The following BMP2K variants were observed in gnomAD, a reference collection of about 807,000 sequenced individuals.
BMP2K encodes the protein BMP-2-inducible protein kinase.
A neutral mutation model predicts 116.0 loss-of-function variants in BMP2K; 74 were observed. That is an observed-to-expected ratio of 0.64 (90% confidence interval 0.53 to 0.77). The LOEUF (loss-of-function observed/expected upper bound fraction) is 0.77. Ranked by LOEUF, BMP2K falls within the 30% of genes least tolerant of loss-of-function variation. The pLI is 0.00. For synonymous variants in BMP2K, 486 were observed against 502.5 expected (o/e 0.97, Z 0.44); for missense variants, 1,365 against 1,403.6 (o/e 0.97, Z 0.44).
intron 14 of BMP2K, chr4:78,879,639 G>GTGTGTGTGTGCACGCGCA (rs1732803561): frequency 6.3e-6 from 1 of 158,632 alleles, no homozygotes; most frequent in Non-Finnish European, 1.4e-5. Context: ...GTGTGTGTGT[G>GTGTGTGTGTGCACGCGCA]TGTGTGTGCA....
chr4:78,853,694 C>T (rs866696571), intron 7 of BMP2K, among the ~76,000 whole-genome samples: 7 of 152,106 alleles, frequency 4.6e-5, no homozygotes, highest in Admixed American at 2.6e-4. Context: ...TGCTCTGTCC[C>T]TGTTTGGTAT....
At position 78,914,992 on chromosome 4, in the gene BMP2K, T is replaced by G. The variant is rs1306752922; in HGVS notation, c.*2959T>G. On this transcript the variant is annotated 3_prime_UTR_variant, in exon 16 of 16. Coordinates refer to ENST00000502613, the MANE Select transcript of BMP2K (RefSeq NM_198892.2). ...AAATGTTAGTATTAAAAAGATCAGCTTTTTATGGCATTGAAGAATGTATCT... is the reference window on the plus strand; with the variant it reads ...AAATGTTAGTATTAAAAAGATCAGCGTTTTATGGCATTGAAGAATGTATCT... 5 of 152,022 alleles carry G rather than the reference T, an allele frequency of 3.3e-5. No individual in the cohort carries two copies. Among genetic ancestry groups the G allele is most frequent in the African/African-American group, 4.8e-5 (2 of 41,408 alleles). The allele number at this position is 152,022 out of a possible 1,614,324, so 9.4% of individuals were successfully genotyped here.
chr4:78,825,932 G>A (rs1577902513), intron 1 of BMP2K, 105 bp from the exon 2 acceptor site: 7 of 866,010 alleles, frequency 8.1e-6, no homozygotes, highest in South Asian at 1.7e-5. Context: ...TTTGTCTTGG[G>A]TACAATCATT....
At chr4:78,838,299 C>T (rs1238499941) in intron 3 of BMP2K, among the ~76,000 whole-genome samples, 1 of 152,228 alleles carries the variant, frequency 6.6e-6, no homozygotes, top group Non-Finnish European at 1.5e-5. Context: ...TGTGGGATTT[C>T]GCGATGAGCT....
chr4:78,854,139 G>A (rs372779892), intron 7 of BMP2K, among the ~76,000 whole-genome samples: 1 of 147,098 alleles, frequency 6.8e-6, no homozygotes, highest in Non-Finnish European at 1.5e-5. Flanking sequence ...GTGCAGTAAG[G>A]TAATGATGAA....
chr4:78,805,927 C>T (rs1728796475), intron 1 of BMP2K, among the ~76,000 whole-genome samples: 2 of 152,210 alleles, frequency 1.3e-5, no homozygotes, highest in South Asian at 4.2e-4. Flanking sequence ...GCCAAGATTG[C>T]ACCACCGCAC....
chr4:78,891,533 T>C (rs991311851), intron 15 of BMP2K, among the ~76,000 whole-genome samples: 2 of 152,226 alleles, frequency 1.3e-5, no homozygotes, highest in African/African-American at 2.4e-5. Flanking sequence ...GGATTGAACC[T>C]CTAATTTAAA....
At chr4:78,862,268 C>T (rs1053150550) in intron 9 of BMP2K, among the ~76,000 whole-genome samples, 4 of 151,914 alleles carry the variant, frequency 2.6e-5, no homozygotes. Context: ...CCAAGGAGTT[C>T]ACGTTCTAAT....
In BMP2K at chr4:78,847,202, C is replaced by A; in HGVS notation, c.683C>A (p.Ser228Ter). Residue 228 changes from serine to a stop codon, truncating the protein, a stop_gained, in exon 6 of 16, where the codon TCA becomes TAA. Transcript: ENST00000502613. LOFTEE classifies it high-confidence loss of function. Reference sequence around the variant, plus strand: ...TTTACTGCCAGGTATACAACTCTGTCATACAGAGCCCCTGAAATGATCAAC... The same window carrying A: ...TTTACTGCCAGGTATACAACTCTGTAATACAGAGCCCCTGAAATGATCAAC... ...EEEIKKYTTL[S>*]YRAPEMINLY... 2 of 1,572,524 alleles carry A rather than the reference C, an allele frequency of 1.3e-6. No individual in the cohort carries two copies. Among genetic ancestry groups the A allele is most frequent in the South Asian group, 1.2e-5 (1 of 85,162 alleles).
chr4:78,907,089 C>T (rs1197734146), intron 15 of BMP2K, among the ~76,000 whole-genome samples: 1 of 151,948 alleles, frequency 6.6e-6, no homozygotes, highest in Non-Finnish European at 1.5e-5. Flanking sequence ...CTAGAAACAA[C>T]CTAAATATTC....
intron 1 of BMP2K, among the ~76,000 whole-genome samples, chr4:78,795,156 C>T (rs546280661): frequency 3.3e-5 from 5 of 152,316 alleles, no homozygotes; most frequent in African/African-American, 1.2e-4. Context: ...GTTATATTTG[C>T]TCACATTTAT....
chr4:78,903,885 T>C (rs1408435572), intron 15 of BMP2K, among the ~76,000 whole-genome samples: 1 of 151,970 alleles, frequency 6.6e-6, no homozygotes, highest in South Asian at 2.1e-4. Context: ...AATATTCTAC[T>C]GGTAGTTTAA....
intron 1 of BMP2K, among the ~76,000 whole-genome samples, chr4:78,807,579 T>A (rs1305857440): frequency 6.6e-6 from 1 of 152,010 alleles, no homozygotes; most frequent in Non-Finnish European, 1.5e-5. Flanking sequence ...TCTTTTTTTT[T>A]ATTACTAACT....
chr4:78,897,461 G>A (rs547516032), intron 15 of BMP2K, among the ~76,000 whole-genome samples: 1 of 152,116 alleles, frequency 6.6e-6, no homozygotes, highest in African/African-American at 2.4e-5. Context: ...AATTTATAAT[G>A]AAAAATTAAC....
At chr4:78,792,431 A>G (rs1321678681) in intron 1 of BMP2K, among the ~76,000 whole-genome samples, 1 of 152,226 alleles carries the variant, frequency 6.6e-6, no homozygotes, top group Non-Finnish European at 1.5e-5. Context: ...TTTACTGGAA[A>G]CAGTGACAAA....
chr4:78,885,128 A>G lies in BMP2K; in HGVS notation c.1952-2046A>G, dbSNP rs560332913. Among the ~76,000 whole-genome samples the G allele has an allele frequency of 1.6e-4, 24 of 152,358 alleles. 1 individual carries two copies. The South Asian group carries it at 4.3e-3, about 28-fold the overall frequency. On this transcript the variant is annotated intron_variant, in intron 14 of 15. Coordinates refer to ENST00000502613, the MANE Select transcript of BMP2K (RefSeq NM_198892.2). The stretch of plus-strand genomic sequence containing the variant: ...CATAAAACAATTGTCAGATGTATTT[A>G]GTAACTCAATATTAGTGCCTCAACA...
At chr4:78,907,482 AC>A (rs975845716) in intron 15 of BMP2K, among the ~76,000 whole-genome samples, 28 of 152,322 alleles carry the variant, frequency 1.8e-4, no homozygotes, top group Non-Finnish European at 2.4e-4. Flanking sequence ...GTTCCAGAAG[AC>A]CTTCAGGAAC....
rs202004867 is a variant in BMP2K, at chr4:78,867,826, G to A, written c.1231+2106G>A. Among the ~76,000 whole-genome samples, 31 of 152,278 alleles carry A rather than the reference G, an allele frequency of 2.0e-4. No homozygotes were observed. In the East Asian group the frequency reaches 3.1e-3, roughly 15 times the overall value. ...TGTAATCCCAACACTTTGAGAGGCC[G>A]AGTTGGGTGGATCACTTGAGGCCAG... is the stretch of plus-strand genomic sequence containing the variant. On this transcript the variant is annotated intron_variant, in intron 10 of 15. Coordinates refer to ENST00000502613, the MANE Select transcript of BMP2K (RefSeq NM_198892.2).
At chr4:78,838,789 A>G (rs560051109) in intron 3 of BMP2K, among the ~76,000 whole-genome samples, 29 of 152,324 alleles carry the variant, frequency 1.9e-4, no homozygotes, top group South Asian at 8.3e-4. Context: ...TAGGTATTCA[A>G]TGTTTACCAT....
Sources: gnomAD v4.1 joint callset for allele counts (sites outside exome capture counted in the v4.1 genomes callset) on GRCh38, gnomAD v4.1.1 for gene constraint, MANE v1.5 for transcripts, NCBI Gene and HGNC (gene_info 2026-07-23, HGNC 2026-07-21) for gene names.